The following GLG1 variants were observed in gnomAD, a reference collection of about 807,000 sequenced individuals.
GLG1 encodes Golgi apparatus protein 1.
GLG1 carries 38 observed loss-of-function variants against 160.5 expected under a neutral mutation model. That is an observed-to-expected ratio of 0.24 (90% CI 0.18 to 0.31). The LOEUF (loss-of-function observed/expected upper bound fraction) is 0.31, where lower values mean the gene tolerates loss of function less well. Among genes scored for constraint, GLG1 ranks in the 10% least tolerant of loss-of-function variants. The pLI is 1.00. For missense variants in GLG1, 1,373 were observed against 1,505.2 expected (o/e 0.91, Z 1.45); for synonymous variants, 644 against 543.4 (o/e 1.19, Z -2.57).
At chr16:74,505,366 A>G (rs948441329) in intron 3 of GLG1, among the ~76,000 whole-genome samples, 1 of 152,244 alleles carries the variant, frequency 6.6e-6, no homozygotes, top group African/African-American at 2.4e-5. Context: ...AGAGATTTTC[A>G]ACAGTCAAGA....
intron 24 of GLG1, 135 bp downstream of exon 24, chr16:74,457,739 C>T (rs972498747): frequency 1.4e-5 from 10 of 715,828 alleles, no homozygotes; most frequent in African/African-American, 1.8e-5. Flanking sequence ...CCCAGGTCCC[C>T]AGGGAATGTT....
intron 11 of GLG1, among the ~76,000 whole-genome samples, chr16:74,478,708 T>C (rs982114299): frequency 2.2e-4 from 33 of 151,448 alleles, no homozygotes; most frequent in Non-Finnish European, 3.8e-4. Flanking sequence ...GGTCTGGAGT[T>C]CGAGACCAGC....
chr16:74,560,861 A>G (rs1335061607), intron 1 of GLG1, among the ~76,000 whole-genome samples: 1 of 152,196 alleles, frequency 6.6e-6, no homozygotes, highest in Non-Finnish European at 1.5e-5. Flanking sequence ...AAGGAAGGAA[A>G]GAGAGAAGCA....
chr16:74,524,567 G>A (rs546972690), intron 2 of GLG1, among the ~76,000 whole-genome samples: 2 of 151,038 alleles, frequency 1.3e-5, no homozygotes, highest in East Asian at 1.9e-4. Flanking sequence ...TTATCCTTTA[G>A]AGTATTTACT....
At chr16:74,520,685 G>A (rs2017135784) in intron 2 of GLG1, among the ~76,000 whole-genome samples, 1 of 152,106 alleles carries the variant, frequency 6.6e-6, no homozygotes, top group Admixed American at 6.6e-5. Context: ...TAAATGTTTG[G>A]AAGAACTGCA....
intron 2 of GLG1, among the ~76,000 whole-genome samples, chr16:74,522,676 T>C (rs1009058856): frequency 1.3e-5 from 2 of 152,190 alleles, no homozygotes; most frequent in Non-Finnish European, 2.9e-5. Context: ...ACTCTTAATA[T>C]TGTATGCTTG....
chr16:74,593,166 A>G (rs143123270), intron 1 of GLG1, among the ~76,000 whole-genome samples: 152 of 152,264 alleles, frequency 1.0e-3, no homozygotes, highest in African/African-American at 3.6e-3. Flanking sequence ...ATTCCTTTAT[A>G]TATTACCCAG....
At chr16:74,502,879 T>C (rs998501209) in intron 4 of GLG1, among the ~76,000 whole-genome samples, 3 of 151,394 alleles carry the variant, frequency 2.0e-5, no homozygotes, top group Non-Finnish European at 4.4e-5. Context: ...CAGTAATTTT[T>C]TTTATACTAA....
intron 1 of GLG1, among the ~76,000 whole-genome samples, chr16:74,591,477 A>G (rs1268391259): frequency 6.6e-6 from 1 of 151,586 alleles, no homozygotes; most frequent in African/African-American, 2.4e-5. Flanking sequence ...AAATACAAAA[A>G]AATAGCTCTG....
At chr16:74,579,550 C>T (rs556800951) in intron 1 of GLG1, among the ~76,000 whole-genome samples, 2 of 151,342 alleles carry the variant, frequency 1.3e-5, no homozygotes, top group Admixed American at 6.6e-5. Context: ...GGCAAAACCC[C>T]ATCACTACTA....
At chr16:74,457,039 G>T (rs527800616) in intron 24 of GLG1, among the ~76,000 whole-genome samples, 8 of 152,192 alleles carry the variant, frequency 5.3e-5, no homozygotes, top group Non-Finnish European at 8.8e-5. Flanking sequence ...GCTGAGGCAG[G>T]AGGATCCCTT....
intron 1 of GLG1, among the ~76,000 whole-genome samples, chr16:74,548,228 G>A (rs1449100972): frequency 6.6e-6 from 1 of 152,216 alleles, no homozygotes; most frequent in Non-Finnish European, 1.5e-5. Context: ...CTGAACCTGT[G>A]TTCCAATTCT....
chr16:74,527,191 T>C (rs1290177682), intron 2 of GLG1, among the ~76,000 whole-genome samples: 1 of 152,026 alleles, frequency 6.6e-6, no homozygotes, highest in African/African-American at 2.4e-5. Flanking sequence ...ATATATTTTA[T>C]TCTACATGTT....
intron 4 of GLG1, among the ~76,000 whole-genome samples, chr16:74,497,411 C>T (rs1309274302): frequency 1.3e-5 from 2 of 149,348 alleles, no homozygotes; most frequent in African/African-American, 2.5e-5. Context: ...AAAAACCAGG[C>T]ATTTCCCAAA....
intron 2 of GLG1, among the ~76,000 whole-genome samples, chr16:74,527,811 C>G (rs1056251882): frequency 2.0e-5 from 3 of 151,708 alleles, no homozygotes; most frequent in Non-Finnish European, 1.5e-5. Context: ...ACTGCGACCT[C>G]TTCCTCCCCA....
At chr16:74,454,983 G>A (rs1052316038) in intron 25 of GLG1, among the ~76,000 whole-genome samples, 4 of 151,994 alleles carry the variant, frequency 2.6e-5, no homozygotes, top group African/African-American at 9.7e-5. Context: ...GTGCACCTGT[G>A]GTCCCAGCTA....
intron 1 of GLG1, among the ~76,000 whole-genome samples, chr16:74,578,758 A>G (rs1277089108): frequency 2.0e-5 from 3 of 152,208 alleles, no homozygotes; most frequent in African/African-American, 7.2e-5. Flanking sequence ...ATGTAGATAT[A>G]TTGATTCTGT....
intron 1 of GLG1, among the ~76,000 whole-genome samples, chr16:74,588,708 C>T (rs371583175): frequency 3.3e-5 from 5 of 152,174 alleles, no homozygotes; most frequent in South Asian, 2.1e-4. Flanking sequence ...CATGAGCCAC[C>T]ACACTTGGCC....
At chr16:74,460,002 C>T (rs1464419571) in intron 22 of GLG1, among the ~76,000 whole-genome samples, 7 of 149,096 alleles carry the variant, frequency 4.7e-5, no homozygotes, top group Admixed American at 1.3e-4. Context: ...ACTACAGGCG[C>T]GTGCTACCAT....
Sources: gnomAD v4.1 joint callset for allele counts (sites outside exome capture counted in the v4.1 genomes callset) on GRCh38, gnomAD v4.1.1 for gene constraint, MANE v1.5 for transcripts, NCBI Gene and HGNC (gene_info 2026-07-23, HGNC 2026-07-21) for gene names.